APBA1: variants seen among roughly 807,000 people sequenced by gnomAD.
The protein encoded by APBA1 is amyloid beta precursor protein binding family A member 1, also known as amyloid-beta A4 precursor protein-binding family A member 1.
A neutral mutation model predicts 86.6 loss-of-function variants in APBA1; 55 were observed. The observed-to-expected ratio is 0.64, with a 90% CI of 0.51 to 0.80. The LOEUF (loss-of-function observed/expected upper bound fraction) is 0.80, where lower values mean the gene tolerates loss of function less well. Ranked by LOEUF, APBA1 falls within the 30% of genes least tolerant of loss-of-function variation. The probability of loss-of-function intolerance (pLI) is 0.00; values close to 1 mark genes in which losing one functional copy is unlikely to be tolerated. For missense variants in APBA1, 1,090 were observed against 1,183.0 expected (o/e 0.92, Z 1.15); for synonymous variants, 511 against 493.9 (o/e 1.03, Z -0.46).
chr9:69,645,440 C>T (rs974532147), intron 1 of APBA1, among the ~76,000 whole-genome samples: 8 of 152,206 alleles, frequency 5.3e-5, no homozygotes, highest in Admixed American at 5.2e-4. Flanking sequence ...ACTGCCTGAA[C>T]CGAGTTATGT....
At chr9:69,556,700 C>A (rs1016061572) in intron 1 of APBA1, among the ~76,000 whole-genome samples, 1 of 152,100 alleles carries the variant, frequency 6.6e-6, no homozygotes, top group Admixed American at 6.6e-5. Flanking sequence ...TTTGTGTCAA[C>A]CAAAAGCACC....
chr9:69,440,106 T>C (rs1834787018), intron 11 of APBA1, among the ~76,000 whole-genome samples: 1 of 152,196 alleles, frequency 6.6e-6, no homozygotes, highest in African/African-American at 2.4e-5. Flanking sequence ...CGGATATTGG[T>C]GAACCGCAAA....
At chr9:69,665,308 T>A (rs1823823806) in intron 1 of APBA1, among the ~76,000 whole-genome samples, 1 of 152,074 alleles carries the variant, frequency 6.6e-6, no homozygotes. Context: ...CCTGTGTCAT[T>A]TTCTCCATTC....
At chr9:69,528,828 G>A (rs1053255973) in intron 1 of APBA1, among the ~76,000 whole-genome samples, 1 of 151,952 alleles carries the variant, frequency 6.6e-6, no homozygotes, top group Admixed American at 6.6e-5. Context: ...AGCTATGTTA[G>A]TTTTCAGAGG....
At chr9:69,664,048 A>T (rs1222373624) in intron 1 of APBA1, among the ~76,000 whole-genome samples, 1 of 152,178 alleles carries the variant, frequency 6.6e-6, no homozygotes, top group Non-Finnish European at 1.5e-5. Flanking sequence ...CCATGAAAAA[A>T]CATATTACCT....
Position 69,658,312 on chromosome 9 carries a change from TTCTTTCTTTCTTTC to T in APBA1, c.-70+13827_-70+13840del, listed in dbSNP as rs1823674620. 2.6e-5 allele frequency among the ~76,000 whole-genome samples: 2 copies of T among 75,580 alleles called. 1 individual carries two copies. Among genetic ancestry groups the T allele is most frequent in the South Asian group, 9.3e-4 (2 of 2,158 alleles). The allele number at this position is 75,580 out of a possible 152,430, so 49.6% of individuals were successfully genotyped here. A position where few individuals can be genotyped will look rare whatever the true frequency, so the allele number is the denominator to read the frequency against. The stretch of plus-strand genomic sequence containing the variant: ...TCTCTCTTTCTCTCTCTCTCTTTCT[TTCTTTCTTTCTTTC>T]TTTCTTTCTTTCTTTCTTTCTTTCT... On this transcript the variant is annotated intron_variant, in intron 1 of 12. Coordinates refer to ENST00000265381, the MANE Select transcript of APBA1 (RefSeq NM_001163.4).
At chr9:69,578,536 C>T (rs1335542641) in intron 1 of APBA1, among the ~76,000 whole-genome samples, 2 of 152,130 alleles carry the variant, frequency 1.3e-5, no homozygotes, top group Non-Finnish European at 2.9e-5. Flanking sequence ...CTGGTTGCCA[C>T]TTAAAAACAA....
upstream of APBA1, among the ~76,000 whole-genome samples, chr9:69,672,575 C>A (rs1252353411): frequency 5.4e-5 from 8 of 149,168 alleles, no homozygotes; most frequent in African/African-American, 1.7e-4. Flanking sequence ...GCGGCGGCAC[C>A]GCTGATGTCC....
chr9:69,550,912 T>C (rs72719022), intron 1 of APBA1, among the ~76,000 whole-genome samples: 10,248 of 152,240 alleles, frequency 0.067, 484 homozygotes, highest in East Asian at 0.16. Context: ...GTACAGTCTA[T>C]CAATATGCAT....
intron 2 of APBA1, among the ~76,000 whole-genome samples, chr9:69,504,155 A>C (rs1835918293): frequency 6.6e-6 from 1 of 151,908 alleles, no homozygotes; most frequent in African/African-American, 2.4e-5. Context: ...AAGCCTGTAA[A>C]ATCTTCTCTT....
chr9:69,567,158 G>A (rs1331510370), intron 1 of APBA1, among the ~76,000 whole-genome samples: 4 of 151,986 alleles, frequency 2.6e-5, no homozygotes, highest in African/African-American at 4.8e-5. Context: ...GTTGAATTCC[G>A]TAGAGCACAG....
intron 1 of APBA1, among the ~76,000 whole-genome samples, chr9:69,666,340 C>G (rs1194998537): frequency 6.6e-6 from 1 of 152,178 alleles, no homozygotes; most frequent in African/African-American, 2.4e-5. Flanking sequence ...TCTTTCAGCT[C>G]TTTCTGCTTA....
intron 10 of APBA1, among the ~76,000 whole-genome samples, chr9:69,444,495 C>A (rs1834876353): frequency 6.6e-6 from 1 of 152,220 alleles, no homozygotes; most frequent in Non-Finnish European, 1.5e-5. Context: ...AAGCCCTTTG[C>A]TGGCCCTTCT....
At chr9:69,661,065 GA>G (rs1182630409) in intron 1 of APBA1, among the ~76,000 whole-genome samples, 2 of 152,114 alleles carry the variant, frequency 1.3e-5, no homozygotes, top group Non-Finnish European at 2.9e-5. Flanking sequence ...AACATTTTGT[GA>G]AGCAAAAATG....
chr9:69,487,481 T>A (rs1051786936), intron 2 of APBA1, among the ~76,000 whole-genome samples: 1 of 152,106 alleles, frequency 6.6e-6, no homozygotes, highest in Non-Finnish European at 1.5e-5. Context: ...GTGCTAAGTT[T>A]GAGTGTGTTC....
At chr9:69,472,005 G>A (rs1166220119) in intron 3 of APBA1, among the ~76,000 whole-genome samples, 3 of 152,156 alleles carry the variant, frequency 2.0e-5, no homozygotes, top group Non-Finnish European at 2.9e-5. Context: ...GGCACAATTT[G>A]TATTCTTAAG....
intron 2 of APBA1, among the ~76,000 whole-genome samples, chr9:69,505,386 G>C (rs1327606953): frequency 1.3e-5 from 2 of 152,076 alleles, no homozygotes; most frequent in African/African-American, 4.8e-5. Context: ...AGGAAGTGCA[G>C]TCTTCTCCAT....
Position 69,654,271 on chromosome 9 carries a change from G to C in APBA1, c.-70+17882C>G, listed in dbSNP as rs569067018. Among the ~76,000 whole-genome samples, 6 of 152,134 alleles carry C rather than the reference G, an allele frequency of 3.9e-5. No individual in the cohort carries two copies. In the East Asian group the frequency reaches 9.7e-4, roughly 25 times the overall value. On this transcript the variant is annotated intron_variant, in intron 1 of 12. Coordinates refer to ENST00000265381, the MANE Select transcript of APBA1 (RefSeq NM_001163.4). ...AAAAGAAATAACAAATATCTGAGCAGAAATAAACAAATCCTTAGCTAGACT... is the reference window on the plus strand; with the variant it reads ...AAAAGAAATAACAAATATCTGAGCACAAATAAACAAATCCTTAGCTAGACT...
At chr9:69,454,353 T>C (rs1443839841) in intron 8 of APBA1, among the ~76,000 whole-genome samples, 2 of 152,214 alleles carry the variant, frequency 1.3e-5, no homozygotes, top group African/African-American at 4.8e-5. Context: ...ATGTGACCAG[T>C]CGACTTCCTG....
Sources: allele counts gnomAD v4.1 joint callset (sites outside exome capture counted in the v4.1 genomes callset), GRCh38; gene constraint gnomAD v4.1.1; transcripts MANE v1.5; gene names NCBI Gene and HGNC (gene_info 2026-07-23, HGNC 2026-07-21).